Variants in KRT80 observed in about 807,000 individuals in gnomAD.
The protein encoded by KRT80 is keratin, type II cytoskeletal 80.
A neutral mutation model predicts 51.5 loss-of-function variants in KRT80; 36 were observed. The ratio of observed to expected loss-of-function variants is 0.70; its 90% CI spans 0.54 to 0.92. The LOEUF is 0.92. KRT80 is among the 40% of genes least tolerant of loss of function. The pLI is 0.00. For synonymous variants in KRT80, 235 were observed against 248.3 expected (o/e 0.95, Z 0.50); for missense variants, 566 against 591.7 (o/e 0.96, Z 0.45).
intron 4 of KRT80, among the ~76,000 whole-genome samples, chr12:52,176,467 C>G (rs531840640): frequency 1.3e-5 from 2 of 148,328 alleles, no homozygotes; most frequent in South Asian, 2.1e-4. Context: ...AATGCCATCA[C>G]TTCTTCTTCT....
chr12:52,189,155 C>A (rs1448397894), intron 1 of KRT80, among the ~76,000 whole-genome samples: 2 of 152,092 alleles, frequency 1.3e-5, no homozygotes, highest in Admixed American at 6.5e-5. Flanking sequence ...CCCCTCTCCT[C>A]TCTTTACCCA....
Position 52,171,650 on chromosome 12 carries a change from G to A in KRT80, c.1234+8C>T, listed in dbSNP as rs767942536. The A allele has an allele frequency of 8.2e-6, 13 of 1,582,952 alleles. No individual in the cohort carries two copies. The highest frequency in any genetic ancestry group is 1.1e-5 in the Non-Finnish European group (13 of 1,164,552). ...CCCACCATGGGTTCTCGGGGCAAGA[G>A]GACTCACCGGTTTTGCACCTGGACT... On this transcript the variant is annotated splice_region_variant and intron_variant, in intron 8 of 8. Transcript: ENST00000394815.
At chr12:52,180,697 G>A (rs770082228) in intron 3 of KRT80, 89 bp from the exon 4 acceptor site, 4 of 1,598,574 alleles carry the variant, frequency 2.5e-6, no homozygotes, top group Middle Eastern at 3.3e-4. Flanking sequence ...CTGGGTGAGA[G>A]TGGGGGTGAT....
At chr12:52,178,344 C>T (rs1941266473) in intron 4 of KRT80, among the ~76,000 whole-genome samples, 1 of 152,260 alleles carries the variant, frequency 6.6e-6, no homozygotes, top group African/African-American at 2.4e-5. Flanking sequence ...GTGAGGCACT[C>T]TCTGACCCAA....
At chr12:52,173,916 C>A (rs1941169334) in intron 4 of KRT80, 152 bp from the exon 5 acceptor site, 1 of 774,348 alleles carries the variant, frequency 1.3e-6, no homozygotes, top group African/African-American at 1.7e-5. Context: ...GAATGCCTCC[C>A]TGCCACGTCT....
intron 2 of KRT80, among the ~76,000 whole-genome samples, chr12:52,182,335 G>T (rs1347004549): frequency 6.6e-6 from 1 of 152,158 alleles, no homozygotes; most frequent in African/African-American, 2.4e-5. Context: ...AGTCCCATTG[G>T]TCTCATTTTA....
Position 52,176,247 on chromosome 12 carries a change from G to C in KRT80, c.667-2483C>G, listed in dbSNP as rs35023905. 1.6e-3 allele frequency among the ~76,000 whole-genome samples: 242 copies of C among 152,280 alleles called. 1 individual carries two copies. The highest frequency in any genetic ancestry group is 2.6e-3 in the Non-Finnish European group (177 of 68,006). ...GTATGACAATTCGGGCTTGTGTGGT[G>C]TGGAGGTACCCAATGGGATGGGACC... On this transcript the variant is annotated intron_variant, in intron 4 of 8. Transcript: ENST00000394815.
rs1026143405 is a variant in KRT80 at position 52,180,918 on chromosome 12, A to T, written c.555T>A (p.Phe185Leu). ...GGCAGGCTACCTTCTTCAGCTGAAC[A>T]AAGGTGAACTCCATGTCTGTGCGCT... ...ISKRTDMEFT[F>L]VQLKKDLDAE... The change falls in exon 3 of 9, where the codon TTT becomes TTA. Residue 185 changes from phenylalanine (F) to leucine (L), a missense_variant. By Grantham distance (22) the Phe-to-Leu change is conservative (BLOSUM62 0). Coordinates refer to ENST00000394815, the MANE Select transcript of KRT80 (RefSeq NM_182507.3). The T allele has an allele frequency of 6.3e-6, 10 of 1,578,282 alleles. No individual in the cohort carries two copies. Among genetic ancestry groups the T allele is most frequent in the African/African-American group, 1.4e-5 (1 of 72,994 alleles).
chr12:52,184,012 G>C (rs1941363869), intron 2 of KRT80, among the ~76,000 whole-genome samples: 1 of 105,458 alleles, frequency 9.5e-6, no homozygotes, highest in South Asian at 4.0e-4. Context: ...TCTCTCCGGA[G>C]GGGCGGTCAG....
At chr12:52,179,878 G>A (rs1941292154) in intron 4 of KRT80, among the ~76,000 whole-genome samples, 1 of 152,220 alleles carries the variant, frequency 6.6e-6, no homozygotes, top group South Asian at 2.1e-4. Flanking sequence ...GTGGAGAGGA[G>A]GACACATATC....
At chr12:52,180,086 C>G (rs550589582) in intron 4 of KRT80, among the ~76,000 whole-genome samples, 1 of 152,316 alleles carries the variant, frequency 6.6e-6, no homozygotes, top group Admixed American at 6.5e-5. Flanking sequence ...GAAAGGCAGG[C>G]CTATCAGAAC....
At chr12:52,185,113 GCAGGCA>G (rs1941382823) in intron 2 of KRT80, among the ~76,000 whole-genome samples, 1 of 152,234 alleles carries the variant, frequency 6.6e-6, no homozygotes, top group African/African-American at 2.4e-5. Context: ...CCAAGGGCCA[GCAGGCA>G]CAGGGTTTAG....
chr12:52,177,698 G>T (rs1941254721), intron 4 of KRT80, among the ~76,000 whole-genome samples: 1 of 151,528 alleles, frequency 6.6e-6, no homozygotes. Context: ...CACATGTTTT[G>T]GAGAGACGAG....
At chr12:52,177,137 G>A (rs74688063) in intron 4 of KRT80, among the ~76,000 whole-genome samples, 3,062 of 152,270 alleles carry the variant, frequency 0.02, 102 homozygotes, top group African/African-American at 0.069. Context: ...TAGAGTTGTC[G>A]TGAGAATTAA....
At position 52,173,153 on chromosome 12, in the gene KRT80, T is replaced by G; in HGVS notation, c.842A>C (p.Gln281Pro). The part of the protein sequence containing the change: ...EAYSRSQLEE[Q>P]AARSAEYGSS... ...CCCATACTCGGCCGAGCGGGCGGCC[T>G]GCTCCTCCAGCTGGAGGTACATGGA... Residue 281 changes from glutamine (Q) to proline (P), a missense_variant, in exon 6 of 9, where the codon CAG becomes CCG. Transcript: ENST00000394815. The G allele has an allele frequency of 6.2e-7, 1 of 1,609,448 alleles. No individual in the cohort carries two copies. Among genetic ancestry groups the G allele is most frequent in the African/African-American group, 1.3e-5 (1 of 74,964 alleles).
intron 4 of KRT80, among the ~76,000 whole-genome samples, chr12:52,177,219 G>C (rs150772456): frequency 1.3e-5 from 2 of 152,160 alleles, no homozygotes; most frequent in African/African-American, 2.4e-5. Context: ...CAGTAGTTAA[G>C]GATTCTCTAT....
rs191665354 is a variant in KRT80, at chr12:52,181,794, G to A, written c.510-831C>T. On this transcript the variant is annotated intron_variant, in intron 2 of 8. Coordinates refer to ENST00000394815, the MANE Select transcript of KRT80 (RefSeq NM_182507.3). ...CCCTCTTCCTCAAGTCAAGACATTT[G>A]TTTGTCTTAGCCCCAGGGTGGGTGT... Among the ~76,000 whole-genome samples, 36 of 152,368 alleles carry A rather than the reference G, an allele frequency of 2.4e-4. No individual in the cohort carries two copies. In the East Asian group the frequency reaches 5.6e-3, roughly 24 times the overall value.
intron 4 of KRT80, among the ~76,000 whole-genome samples, chr12:52,176,066 A>T (rs1018335486): frequency 6.6e-6 from 1 of 152,254 alleles, no homozygotes; most frequent in Non-Finnish European, 1.5e-5. Context: ...AGGACGCACT[A>T]TAGCAGGACT....
chr12:52,182,800 C>G (rs1035659501), intron 2 of KRT80, among the ~76,000 whole-genome samples: 1 of 152,134 alleles, frequency 6.6e-6, no homozygotes, highest in African/African-American at 2.4e-5. Context: ...TGACCCTGGA[C>G]CTCTAGGTGT....
Sources: gnomAD v4.1 joint callset for allele counts (sites outside exome capture counted in the v4.1 genomes callset) on GRCh38, gnomAD v4.1.1 for gene constraint, MANE v1.5 for transcripts, NCBI Gene and HGNC (gene_info 2026-07-23, HGNC 2026-07-21) for gene names.